Variants in ADGRV1 observed in about 807,000 individuals in gnomAD.
ADGRV1 encodes the protein G-protein coupled receptor 98.
In ADGRV1, 359 loss-of-function variants were observed where a neutral mutation model predicts 596.2. The observed-to-expected ratio is 0.60, with a 90% CI of 0.55 to 0.66. ADGRV1 has a LOEUF of 0.66. Among genes scored for constraint, ADGRV1 ranks in the 30% least tolerant of loss-of-function variants. ADGRV1 has a pLI of 0.00. For missense variants in ADGRV1, 7,274 were observed against 7,575.6 expected (o/e 0.96, Z 1.48); for synonymous variants, 2,681 against 2,679.2 (o/e 1.00, Z -0.02).
chr5:90,777,990 T>G lies in ADGRV1; in HGVS notation c.12613T>G (p.Ser4205Ala), dbSNP rs746448681. ...TTCCGTGGGGGAATTTGCTGAAACA[T>G]CAGGAAAACTGACAATGCGAGACGA... ...PPSVGEFAETSGKLTMRDEQS... is the reference protein window; with the variant it reads ...PPSVGEFAETAGKLTMRDEQS... Residue 4205 changes from serine to alanine, a missense_variant, in exon 62 of 90, where the codon TCA (serine) becomes GCA (alanine). Coordinates refer to ENST00000405460, the MANE Select transcript of ADGRV1 (RefSeq NM_032119.4). The G allele has an allele frequency of 3.7e-6, 6 of 1,604,464 alleles. No homozygotes were observed. The highest frequency in any genetic ancestry group is 1.7e-4 in the Middle Eastern group (1 of 6,050).
chr5:90,680,347 T>A (rs953734422), intron 26 of ADGRV1, among the ~76,000 whole-genome samples: 2 of 148,388 alleles, frequency 1.3e-5, no homozygotes, highest in East Asian at 3.9e-4. Context: ...AGAGCAAGAC[T>A]CTGTATCAAA....
intron 17 of ADGRV1, 140 bp from the exon 18 acceptor site, chr5:90,651,464 G>A: frequency 1.6e-6 from 1 of 611,584 alleles, no homozygotes; most frequent in Admixed American, 3.4e-5. Flanking sequence ...GCAGTATTTT[G>A]CATTTATTAT....
chr5:90,736,468 G>T (rs556030051), intron 50 of ADGRV1, among the ~76,000 whole-genome samples: 22 of 152,028 alleles, frequency 1.4e-4, no homozygotes, highest in South Asian at 1.0e-3. Flanking sequence ...TTTATATCAG[G>T]ATAATGCTGG....
intron 30 of ADGRV1, among the ~76,000 whole-genome samples, chr5:90,690,535 C>T (rs989189619): frequency 6.6e-6 from 1 of 152,172 alleles, no homozygotes; most frequent in Non-Finnish European, 1.5e-5. Flanking sequence ...CTTCTGTGCT[C>T]ACTGGACCTG....
chr5:91,034,019 T>C (rs1179143596), intron 85 of ADGRV1, among the ~76,000 whole-genome samples: 1 of 152,176 alleles, frequency 6.6e-6, no homozygotes, highest in Non-Finnish European at 1.5e-5. Context: ...GATTTCTTTA[T>C]GTAAGAGAAA....
At chr5:91,151,506 T>G (rs1796054987) in intron 88 of ADGRV1, among the ~76,000 whole-genome samples, 1 of 152,198 alleles carries the variant, frequency 6.6e-6, no homozygotes, top group South Asian at 2.1e-4. Flanking sequence ...TCTAGTACGA[T>G]TTCTCTATCC....
chr5:91,029,638 C>T (rs1260194419), intron 85 of ADGRV1, among the ~76,000 whole-genome samples: 2 of 152,106 alleles, frequency 1.3e-5, no homozygotes, highest in Non-Finnish European at 1.5e-5. Flanking sequence ...GTGTCTTGCT[C>T]TTTCAAATAG....
chr5:90,990,775 G>A (rs555759394), intron 85 of ADGRV1, among the ~76,000 whole-genome samples: 1 of 152,322 alleles, frequency 6.6e-6, no homozygotes, highest in Admixed American at 6.5e-5. Flanking sequence ...ATCTGCCCCT[G>A]AGTGATTGCT....
Position 90,704,566 on chromosome 5 carries a change from A to T in ADGRV1, c.8386+78A>T, listed in dbSNP as rs894898613. On this transcript the variant is annotated intron_variant, in intron 36 of 89. Coordinates refer to ENST00000405460, the MANE Select transcript of ADGRV1 (RefSeq NM_032119.4). ...AAGAAAATTGTTATCTCTGTATTTA[A>T]CAATTAGATGCATACCAATTTTTAA... is the stretch of plus-strand genomic sequence containing the variant. 12 of 816,704 alleles carry T rather than the reference A, an allele frequency of 1.5e-5. No homozygotes were observed. In the East Asian group the frequency reaches 3.3e-4, roughly 23 times the overall value. The allele number at this position is 816,704 out of a possible 1,614,324, so 50.6% of individuals were successfully genotyped here. A position where few individuals can be genotyped will look rare whatever the true frequency, so the allele number is the denominator to read the frequency against.
chr5:90,562,775 A>C (rs1420529333), intron 1 of ADGRV1, among the ~76,000 whole-genome samples: 1 of 152,196 alleles, frequency 6.6e-6, no homozygotes. Flanking sequence ...ATACTCACAA[A>C]ATTATTAAGT....
intron 43 of ADGRV1, among the ~76,000 whole-genome samples, chr5:90,719,506 T>C (rs1750625294): frequency 6.6e-6 from 1 of 152,182 alleles, no homozygotes; most frequent in African/African-American, 2.4e-5. Context: ...CAGTGTGTAC[T>C]CTTTTGTGTC....
chr5:90,777,583 T>C (rs1758381056), intron 61 of ADGRV1, among the ~76,000 whole-genome samples: 2 of 152,194 alleles, frequency 1.3e-5, no homozygotes, highest in Non-Finnish European at 2.9e-5. Context: ...ACTTAGACTT[T>C]TCATATTTTG....
intron 22 of ADGRV1, 91 bp from the exon 23 acceptor site, chr5:90,673,963 A>C: frequency 1.2e-6 from 1 of 851,624 alleles, no homozygotes; most frequent in South Asian, 1.8e-5. Flanking sequence ...AACTTCATTT[A>C]AATATAATTT....
chr5:90,746,094 TGCTGTTA>T (rs779023586), intron 52 of ADGRV1, among the ~76,000 whole-genome samples: 1 of 152,208 alleles, frequency 6.6e-6, no homozygotes, highest in Non-Finnish European at 1.5e-5. Flanking sequence ...AGTTTGGCTC[TGCTGTTA>T]GCTGTTACCA....
intron 1 of ADGRV1, among the ~76,000 whole-genome samples, chr5:90,566,085 A>G (rs1755596453): frequency 6.6e-6 from 1 of 152,060 alleles, no homozygotes; most frequent in African/African-American, 2.4e-5. Context: ...TATCAGATAT[A>G]TCATTTGCAA....
intron 59 of ADGRV1, among the ~76,000 whole-genome samples, chr5:90,765,789 C>T (rs898723232): frequency 5.9e-5 from 9 of 151,808 alleles, no homozygotes; most frequent in East Asian, 3.8e-4. Context: ...ACTGAAGCTT[C>T]GACCTCCCGG....
intron 48 of ADGRV1, among the ~76,000 whole-genome samples, chr5:90,726,805 T>C (rs533226060): frequency 6.6e-6 from 1 of 152,302 alleles, no homozygotes; most frequent in South Asian, 2.1e-4. Context: ...CTCACTTGGA[T>C]ACTTTTATCA....
chr5:91,131,134 C>T (rs1794180645), intron 87 of ADGRV1, among the ~76,000 whole-genome samples: 1 of 152,178 alleles, frequency 6.6e-6, no homozygotes, highest in Non-Finnish European at 1.5e-5. Flanking sequence ...GGCTTATACC[C>T]AGTAATGGGA....
intron 1 of ADGRV1, among the ~76,000 whole-genome samples, chr5:90,562,437 G>C (rs1215182208): frequency 6.6e-6 from 1 of 152,188 alleles, no homozygotes; most frequent in Non-Finnish European, 1.5e-5. Flanking sequence ...CCTGAGTGAG[G>C]TGTGGCAGAG....
Sources: allele counts gnomAD v4.1 joint callset (sites outside exome capture counted in the v4.1 genomes callset), GRCh38; gene constraint gnomAD v4.1.1; transcripts MANE v1.5; gene names NCBI Gene and HGNC (gene_info 2026-07-23, HGNC 2026-07-21).